The following RBFOX1 variants were observed in gnomAD, a reference collection of about 807,000 sequenced individuals.
The protein encoded by RBFOX1 is RNA binding protein fox-1 homolog 1.
In RBFOX1, 8 loss-of-function variants were observed where a neutral mutation model predicts 57.7. The observed-to-expected ratio is 0.14, with a 90% confidence interval of 0.08 to 0.25. The LOEUF is 0.25. RBFOX1 is among the 10% of genes least tolerant of loss of function. The pLI, the probability that RBFOX1 is intolerant of heterozygous loss-of-function variation, is 1.00. For synonymous variants in RBFOX1, 326 were observed against 222.4 expected (o/e 1.47, Z -4.15); for missense variants, 611 against 548.5 (o/e 1.11, Z -1.14).
At chr16:5,942,304 A>G (rs1303280095) in intron 4 of RBFOX1, among the ~76,000 whole-genome samples, 4 of 152,166 alleles carry the variant, frequency 2.6e-5, no homozygotes, top group African/African-American at 9.7e-5. Context: ...CTTATTGGTT[A>G]GGAAATGTAA....
intron 1 of RBFOX1, among the ~76,000 whole-genome samples, chr16:5,374,261 T>C (rs2065932663): frequency 6.6e-6 from 1 of 152,206 alleles, no homozygotes; most frequent in South Asian, 2.1e-4. Context: ...TAGTTATTTA[T>C]AGCAATGCAA....
chr16:7,247,850 G>T (rs899822895), intron 4 of RBFOX1, among the ~76,000 whole-genome samples: 7 of 152,098 alleles, frequency 4.6e-5, no homozygotes, highest in Non-Finnish European at 8.8e-5. Flanking sequence ...AGGACTCATG[G>T]ACCCATAGAG....
At chr16:7,155,104 C>G (rs2076826596) in intron 4 of RBFOX1, among the ~76,000 whole-genome samples, 1 of 152,124 alleles carries the variant, frequency 6.6e-6, no homozygotes, top group Admixed American at 6.6e-5. Context: ...TCTCCAAAGC[C>G]TCTTGTTTCA....
intron 2 of RBFOX1, among the ~76,000 whole-genome samples, chr16:6,428,447 T>G (rs2093991013): frequency 6.6e-6 from 1 of 152,122 alleles, no homozygotes; most frequent in Non-Finnish European, 1.5e-5. Context: ...TGTAGTTTAT[T>G]TATATTGTAA....
At chr16:7,104,384 C>A (rs1446946210) in intron 4 of RBFOX1, among the ~76,000 whole-genome samples, 2 of 152,092 alleles carry the variant, frequency 1.3e-5, no homozygotes, top group South Asian at 4.2e-4. Flanking sequence ...GTACCTCATC[C>A]CCATCAGGAC....
chr16:5,378,617 A>G (rs901659344), intron 1 of RBFOX1, among the ~76,000 whole-genome samples: 1 of 151,500 alleles, frequency 6.6e-6, no homozygotes, highest in African/African-American at 2.5e-5. Flanking sequence ...CCATGTTAAC[A>G]TGAGAATGGC....
At chr16:5,488,305 A>C (rs561503833) in intron 2 of RBFOX1, among the ~76,000 whole-genome samples, 2 of 103,162 alleles carry the variant, frequency 1.9e-5, no homozygotes, top group Non-Finnish European at 4.0e-5. Context: ...TGATAATGGA[A>C]GATAATGGTG....
intron 1 of RBFOX1, among the ~76,000 whole-genome samples, chr16:5,313,730 C>G (rs2064154368): frequency 6.6e-6 from 1 of 152,266 alleles, no homozygotes; most frequent in African/African-American, 2.4e-5. Context: ...GACTTATTCA[C>G]TATTGCGAGA....
At chr16:7,139,194 G>GTGTGTGTGTGTGTGTGTGTT (rs2072945573) in intron 4 of RBFOX1, among the ~76,000 whole-genome samples, 1 of 149,768 alleles carries the variant, frequency 6.7e-6, no homozygotes, top group Non-Finnish European at 1.5e-5. Context: ...GTGTGTGTGT[G>GTGTGTGTGTGTGTGTGTGTT]TGTATGTGTG....
intron 4 of RBFOX1, among the ~76,000 whole-genome samples, chr16:7,218,653 T>C (rs867374987): frequency 2.2e-4 from 32 of 146,978 alleles, no homozygotes; most frequent in African/African-American, 2.6e-4. Context: ...TGTGTGTGTG[T>C]GTGTGTGTGT....
intron 3 of RBFOX1, among the ~76,000 whole-genome samples, chr16:5,855,072 T>C (rs192084324): frequency 8.4e-4 from 128 of 152,336 alleles, no homozygotes; most frequent in Non-Finnish European, 1.5e-3. Context: ...TAATTGTATG[T>C]GTGTTTTTTT....
intron 4 of RBFOX1, among the ~76,000 whole-genome samples, chr16:5,998,996 A>G (rs1596373344): frequency 6.6e-6 from 1 of 152,170 alleles, no homozygotes; most frequent in Non-Finnish European, 1.5e-5. Flanking sequence ...ATGAACTGTT[A>G]TGGGAAACAT....
chr16:6,626,466 G>A (rs2046158486), intron 2 of RBFOX1, among the ~76,000 whole-genome samples: 1 of 152,124 alleles, frequency 6.6e-6, no homozygotes, highest in Non-Finnish European at 1.5e-5. Flanking sequence ...AGGGATTAAG[G>A]TACAGAATTC....
chr16:7,675,131 C>T (rs865816078), intron 13 of RBFOX1, among the ~76,000 whole-genome samples: 1 of 152,288 alleles, frequency 6.6e-6, no homozygotes. Context: ...AATGTATGTA[C>T]CTGCACACCT....
intron 4 of RBFOX1, among the ~76,000 whole-genome samples, chr16:7,129,298 C>A (rs2069537745): frequency 6.6e-6 from 1 of 152,106 alleles, no homozygotes. Flanking sequence ...CAAAGTGTTT[C>A]ATCGGTTTGG....
intron 3 of RBFOX1, among the ~76,000 whole-genome samples, chr16:6,957,658 C>T (rs1454115910): frequency 2.0e-5 from 3 of 152,246 alleles, no homozygotes; most frequent in Non-Finnish European, 1.5e-5. Context: ...CATCCTGTCT[C>T]ATCTTGTGAC....
chr16:5,927,420 C>G (rs549904708), intron 4 of RBFOX1, among the ~76,000 whole-genome samples: 1 of 152,218 alleles, frequency 6.6e-6, no homozygotes, highest in South Asian at 2.1e-4. Flanking sequence ...AAGTCATTAC[C>G]TTAGGTATTA....
chr16:7,281,112 C>T (rs2095535322), intron 4 of RBFOX1, among the ~76,000 whole-genome samples: 1 of 151,892 alleles, frequency 6.6e-6, no homozygotes, highest in East Asian at 2.0e-4. Context: ...AAGCAACTCT[C>T]CTGCCTCAGC....
At chr16:7,145,470 G>A (rs989005705) in intron 4 of RBFOX1, among the ~76,000 whole-genome samples, 1 of 152,116 alleles carries the variant, frequency 6.6e-6, no homozygotes, top group African/African-American at 2.4e-5. Context: ...GCCTCCCAAA[G>A]TGCTGAGATG....
Sources: gnomAD v4.1 joint callset for allele counts (sites outside exome capture counted in the v4.1 genomes callset) on GRCh38, gnomAD v4.1.1 for gene constraint, MANE v1.5 for transcripts, NCBI Gene and HGNC (gene_info 2026-07-23, HGNC 2026-07-21) for gene names.